Variants in ANKH observed in about 807,000 individuals in gnomAD.
The protein encoded by ANKH is mineralization regulator ANKH.
Under a neutral mutation model 49.0 loss-of-function variants are expected in ANKH, and 15 were observed. The observed-to-expected ratio is 0.31, with a 90% CI of 0.20 to 0.47. The LOEUF (loss-of-function observed/expected upper bound fraction) is 0.47. Ranked by LOEUF, ANKH falls within the 20% of genes least tolerant of loss-of-function variation. The pLI is 1.00. For missense variants in ANKH, 429 were observed against 652.0 expected (o/e 0.66, Z 3.72); for synonymous variants, 273 against 260.0 (o/e 1.05, Z -0.48).
chr5:14,738,640 A>G (rs980345270), intron 8 of ANKH, among the ~76,000 whole-genome samples: 2 of 152,172 alleles, frequency 1.3e-5, no homozygotes, highest in African/African-American at 2.4e-5. Context: ...TCAAAAAAAC[A>G]AAAACAGGCC....
intron 2 of ANKH, among the ~76,000 whole-genome samples, chr5:14,767,804 C>A (rs535929133): frequency 6.6e-6 from 1 of 151,988 alleles, no homozygotes; most frequent in South Asian, 2.1e-4. Context: ...AAATACTGTA[C>A]ATGTATTCTT....
chr5:14,839,899 A>G (rs757186888), intron 1 of ANKH, among the ~76,000 whole-genome samples: 1 of 152,238 alleles, frequency 6.6e-6, no homozygotes, highest in African/African-American at 2.4e-5. Flanking sequence ...ACTGGCAAGT[A>G]CCATCTCACC....
chr5:14,784,482 G>T (rs1739910602), intron 1 of ANKH, among the ~76,000 whole-genome samples: 1 of 152,194 alleles, frequency 6.6e-6, no homozygotes, highest in East Asian at 1.9e-4. Context: ...GCCTCACACA[G>T]AAATGCTTTA....
intron 2 of ANKH, among the ~76,000 whole-genome samples, chr5:14,761,402 G>A (rs1206470882): frequency 6.6e-6 from 1 of 152,192 alleles, no homozygotes; most frequent in Non-Finnish European, 1.5e-5. Context: ...GGACATGTGA[G>A]TTTCAGCAGC....
chr5:14,862,179 TG>T (rs1161028486), intron 1 of ANKH, among the ~76,000 whole-genome samples: 1 of 152,188 alleles, frequency 6.6e-6, no homozygotes, highest in African/African-American at 2.4e-5. Flanking sequence ...GACGTTGCAG[TG>T]AGCTAAGACC....
intron 1 of ANKH, among the ~76,000 whole-genome samples, chr5:14,825,505 C>T (rs567839402): frequency 5.9e-5 from 9 of 152,234 alleles, no homozygotes; most frequent in Non-Finnish European, 1.0e-4. Flanking sequence ...GTGTGCACCA[C>T]CATGCCTGAT....
intron 1 of ANKH, among the ~76,000 whole-genome samples, chr5:14,828,394 C>T (rs1302725509): frequency 6.6e-6 from 1 of 151,946 alleles, no homozygotes; most frequent in Non-Finnish European, 1.5e-5. Flanking sequence ...GTGGTGGGTG[C>T]CTGGCGCCTG....
intron 1 of ANKH, among the ~76,000 whole-genome samples, chr5:14,848,246 C>T (rs1162854989): frequency 1.3e-5 from 2 of 152,142 alleles, no homozygotes; most frequent in African/African-American, 4.8e-5. Context: ...CAGCTCACAC[C>T]CAACCAATCA....
chr5:14,852,325 G>T (rs1025601165), intron 1 of ANKH, among the ~76,000 whole-genome samples: 1 of 152,144 alleles, frequency 6.6e-6, no homozygotes, highest in African/African-American at 2.4e-5. Context: ...GCTAATTAAG[G>T]AAAAGGAAAC....
chr5:14,849,512 T>C (rs1308883874), intron 1 of ANKH, among the ~76,000 whole-genome samples: 1 of 152,354 alleles, frequency 6.6e-6, no homozygotes, highest in Non-Finnish European at 1.5e-5. Flanking sequence ...CAATACTGTT[T>C]GCTAGCTCTT....
chr5:14,794,892 G>A (rs895874901), intron 1 of ANKH, among the ~76,000 whole-genome samples: 1 of 152,230 alleles, frequency 6.6e-6, no homozygotes, highest in Non-Finnish European at 1.5e-5. Flanking sequence ...CAATGAAAAC[G>A]GAATTCCGTT....
intron 8 of ANKH, among the ~76,000 whole-genome samples, chr5:14,741,068 G>A (rs555438324): frequency 3.3e-5 from 5 of 152,212 alleles, no homozygotes; most frequent in South Asian, 2.1e-4. Flanking sequence ...AGTCTCCAAC[G>A]GAAGGCTGTT....
At chr5:14,805,373 T>C (rs528818272) in intron 1 of ANKH, among the ~76,000 whole-genome samples, 29 of 127,742 alleles carry the variant, frequency 2.3e-4, no homozygotes, top group Middle Eastern at 8.0e-3. Context: ...CTCCCCTATA[T>C]ATATGTGTGT....
chr5:14,829,868 A>T (rs1741452920), intron 1 of ANKH, among the ~76,000 whole-genome samples: 1 of 152,268 alleles, frequency 6.6e-6, no homozygotes, highest in Non-Finnish European at 1.5e-5. Context: ...TAATAATTTC[A>T]GCAAGCAAAA....
intron 1 of ANKH, among the ~76,000 whole-genome samples, chr5:14,789,220 C>T (rs1417623343): frequency 6.6e-6 from 1 of 152,076 alleles, no homozygotes; most frequent in South Asian, 2.1e-4. Flanking sequence ...ATGAATGAAA[C>T]CCTGTCTCCA....
chr5:14,845,371 T>G (rs111725511), intron 1 of ANKH, among the ~76,000 whole-genome samples: 3 of 46,078 alleles, frequency 6.5e-5, no homozygotes, highest in African/African-American at 2.0e-4. Flanking sequence ...TATATATTTT[T>G]TTTTTTACCT....
At chr5:14,722,774 C>A (rs1737709214) in intron 8 of ANKH, among the ~76,000 whole-genome samples, 1 of 152,144 alleles carries the variant, frequency 6.6e-6, no homozygotes, top group Non-Finnish European at 1.5e-5. Context: ...GTGGAGCAGA[C>A]CTTCCTGCTC....
chr5:14,745,437 G>T lies in ANKH; in HGVS notation c.915+433C>A, dbSNP rs891051. On this transcript the variant is annotated intron_variant, in intron 7 of 11. Coordinates refer to ENST00000284268, the MANE Select transcript of ANKH (RefSeq NM_054027.6). The surrounding 1 kb of genome is among the most constrained non-coding windows in gnomAD (Gnocchi z 4.7). The stretch of plus-strand genomic sequence containing the variant: ...CCCAGGTCTTGCCTGTGGCCAACCT[G>T]AGCATGTAGGTAGGCCAGCCCACAG... 3.3e-5 allele frequency among the ~76,000 whole-genome samples: 5 copies of T among 151,632 alleles called. No homozygotes were observed. The highest frequency in any genetic ancestry group is 5.9e-5 in the Non-Finnish European group (4 of 67,940).
rs1404160124 is a variant in ANKH, at chr5:14,741,818, T to C, written c.1011+9A>G. On this transcript the variant is annotated intron_variant, in intron 8 of 11. Coordinates refer to ENST00000284268, the MANE Select transcript of ANKH (RefSeq NM_054027.6). ...AGAGAGAAGAGGCAGAGAGAGCCTC[T>C]GTCCTTACCGTGAGTGACAGAGCCA... The C allele has an allele frequency of 6.2e-7, 1 of 1,611,446 alleles. No individual in the cohort carries two copies.
Sources: gnomAD v4.1 joint callset for allele counts (sites outside exome capture counted in the v4.1 genomes callset) on GRCh38, gnomAD v4.1.1 for gene constraint, Gnocchi (gnomAD v3.1) non-coding constraint, MANE v1.5 for transcripts, NCBI Gene and HGNC (gene_info 2026-07-23, HGNC 2026-07-21) for gene names.